DACH1: variants seen among roughly 807,000 people sequenced by gnomAD.
DACH1 encodes the protein dachshund homolog 1.
In DACH1, 12 loss-of-function variants were observed where a neutral mutation model predicts 54.2. The ratio of observed to expected loss-of-function variants is 0.22; its 90% CI spans 0.14 to 0.36. The LOEUF (loss-of-function observed/expected upper bound fraction) is 0.36. DACH1 is among the 10% of genes least tolerant of loss of function. The pLI, the probability that DACH1 is intolerant of heterozygous loss-of-function variation, is 1.00. For missense variants in DACH1, 805 were observed against 929.8 expected (o/e 0.87, Z 1.75); for synonymous variants, 386 against 366.2 (o/e 1.05, Z -0.62).
chr13:71,606,918 T>C lies in DACH1; in HGVS notation c.1126+23638A>G, dbSNP rs9529907. 6.8e-3 allele frequency among the ~76,000 whole-genome samples: 1,036 copies of C among 152,144 alleles called. 3 individuals are homozygous for C. The highest frequency in any genetic ancestry group is 0.011 in the Non-Finnish European group (751 of 67,912). ...ACATTTTCATCCAGAAGCCTACCTT[T>C]AGTTTGAGCATTTTGAAGTAGTGAG... On this transcript the variant is annotated intron_variant, in intron 3 of 10. Coordinates refer to ENST00000613252, the MANE Select transcript of DACH1 (RefSeq NM_080759.6).
At chr13:71,504,359 T>A (rs1264882018) in intron 6 of DACH1, among the ~76,000 whole-genome samples, 1 of 152,194 alleles carries the variant, frequency 6.6e-6, no homozygotes, top group African/African-American at 2.4e-5. Flanking sequence ...TTAAAGTATT[T>A]CCTGTTATCT....
intron 10 of DACH1, among the ~76,000 whole-genome samples, chr13:71,473,674 C>T (rs762732714): frequency 9.2e-5 from 14 of 152,006 alleles, no homozygotes; most frequent in Admixed American, 2.0e-4. Flanking sequence ...ATATGCAGGA[C>T]GATATTGTTT....
intron 1 of DACH1, among the ~76,000 whole-genome samples, chr13:71,804,688 A>G (rs1887423457): frequency 6.6e-6 from 1 of 152,104 alleles, no homozygotes; most frequent in Non-Finnish European, 1.5e-5. Flanking sequence ...CATTAGCTCC[A>G]CCTGTTAAGG....
intron 6 of DACH1, among the ~76,000 whole-genome samples, chr13:71,491,545 A>G (rs921703505): frequency 1.3e-5 from 2 of 152,168 alleles, no homozygotes; most frequent in Non-Finnish European, 2.9e-5. Context: ...TAGCGAAGAG[A>G]CTACGTAAGG....
chr13:71,856,313 T>C (rs1225170534), intron 1 of DACH1, among the ~76,000 whole-genome samples: 6 of 151,948 alleles, frequency 3.9e-5, no homozygotes, highest in African/African-American at 1.4e-4. Context: ...GGAAGCACTG[T>C]TCCTGGCTAC....
At chr13:71,832,761 C>A (rs990144609) in intron 1 of DACH1, among the ~76,000 whole-genome samples, 1 of 151,870 alleles carries the variant, frequency 6.6e-6, no homozygotes, top group Middle Eastern at 3.2e-3. Context: ...GATATCCAGC[C>A]ACCTAGGTTC....
At chr13:71,582,687 A>T (rs1440386940) in intron 3 of DACH1, among the ~76,000 whole-genome samples, 1 of 152,168 alleles carries the variant, frequency 6.6e-6, no homozygotes, top group Admixed American at 6.5e-5. Context: ...TTACATGCAG[A>T]TGGCAGACTT....
intron 10 of DACH1, among the ~76,000 whole-genome samples, chr13:71,460,061 C>G (rs892299086): frequency 6.6e-6 from 1 of 151,948 alleles, no homozygotes; most frequent in Non-Finnish European, 1.5e-5. Flanking sequence ...CTAATTTTCT[C>G]ACAAAGAAAA....
Position 71,439,298 on chromosome 13 carries a change from A to T in DACH1, c.*1357T>A, listed in dbSNP as rs41283986. The T allele has an allele frequency of 0.012, 1,839 of 152,586 alleles. 15 individuals are homozygous for T. Among genetic ancestry groups the T allele is most frequent in the Non-Finnish European group, 0.018 (1,221 of 67,894 alleles). 9.5% of individuals were successfully genotyped at this position (152,586 alleles called of 1,614,324 possible). A position where few individuals can be genotyped will look rare whatever the true frequency, so the allele number is the denominator to read the frequency against. On this transcript the variant is annotated 3_prime_UTR_variant, in exon 11 of 11. Transcript: ENST00000613252. ...CAAAGAGAAGGTAACTTTAGCATGT[A>T]ATAAGCACTGTTTGCCGCTTTACTT... is the stretch of plus-strand genomic sequence containing the variant.
In DACH1 at chr13:71,461,473, C is replaced by T. The variant is rs575194356; in HGVS notation, c.2083+13668G>A. ...TATTATCAGAGAACATAAATAAGCC[C>T]GCATCATACTCAGGCTTCTACATTG... On this transcript the variant is annotated intron_variant, in intron 10 of 10. Transcript: ENST00000613252. Among the ~76,000 whole-genome samples the T allele has an allele frequency of 9.9e-4, 151 of 151,934 alleles. 1 individual carries two copies. Among genetic ancestry groups the T allele is most frequent in the African/African-American group, 3.2e-3 (133 of 41,488 alleles).
intron 1 of DACH1, among the ~76,000 whole-genome samples, chr13:71,772,875 T>C (rs1294348595): frequency 6.6e-6 from 1 of 151,824 alleles, no homozygotes; most frequent in Admixed American, 6.6e-5. Context: ...ATACATGTTA[T>C]TCTTACTCTC....
intron 6 of DACH1, among the ~76,000 whole-genome samples, chr13:71,553,501 A>G (rs895916132): frequency 6.8e-6 from 1 of 146,418 alleles, no homozygotes; most frequent in Non-Finnish European, 1.5e-5. Flanking sequence ...ATATATATAC[A>G]TATATATGGA....
intron 1 of DACH1, among the ~76,000 whole-genome samples, chr13:71,801,260 C>T (rs1457498296): frequency 6.6e-6 from 1 of 152,100 alleles, no homozygotes; most frequent in Non-Finnish European, 1.5e-5. Context: ...ATGGTATATT[C>T]AAGCTCTCAG....
chr13:71,609,367 A>G (rs1364288308), intron 3 of DACH1, among the ~76,000 whole-genome samples: 3 of 152,176 alleles, frequency 2.0e-5, no homozygotes, highest in Non-Finnish European at 1.5e-5. Context: ...TGATATGTGG[A>G]TAAGAATATT....
chr13:71,548,714 C>G (rs929380545), intron 6 of DACH1, among the ~76,000 whole-genome samples: 1 of 151,968 alleles, frequency 6.6e-6, no homozygotes, highest in Non-Finnish European at 1.5e-5. Flanking sequence ...CCCAGGAGTT[C>G]GAGACCAGCC....
At chr13:71,461,706 T>C (rs953375312) in intron 10 of DACH1, among the ~76,000 whole-genome samples, 4 of 151,880 alleles carry the variant, frequency 2.6e-5, no homozygotes, top group Admixed American at 1.3e-4. Flanking sequence ...CCTTTAACTA[T>C]GAATAAGGCC....
At chr13:71,706,258 A>G (rs1406656853) in intron 1 of DACH1, among the ~76,000 whole-genome samples, 1 of 151,462 alleles carries the variant, frequency 6.6e-6, no homozygotes, top group Non-Finnish European at 1.5e-5. Flanking sequence ...TATTAATTAT[A>G]TTATTAATCT....
Position 71,866,867 on chromosome 13 carries a change from AG to A in DACH1, c.-99del. The stretch of plus-strand genomic sequence containing the variant: ...GGGAAAAAAGGGGGGAGAAGGAGCG[AG>A]GGGGGCAACAACAACTCCGGGAGAG... On this transcript the variant is annotated 5_prime_UTR_variant, in exon 1 of 11. Transcript: ENST00000613252. 2.4e-6 allele frequency: 2 copies of A among 839,944 alleles called. No individual in the cohort carries two copies. The highest frequency in any genetic ancestry group is 1.5e-6 in the Non-Finnish European group (1 of 660,156). 52.0% of individuals were successfully genotyped at this position (839,944 alleles called of 1,614,324 possible). A position where few individuals can be genotyped will look rare whatever the true frequency, so the allele number is the denominator to read the frequency against.
chr13:71,863,633 T>C (rs1352053035), intron 1 of DACH1, among the ~76,000 whole-genome samples: 1 of 151,992 alleles, frequency 6.6e-6, no homozygotes, highest in Non-Finnish European at 1.5e-5. Context: ...ACTTGAAAAA[T>C]ATTTAGTTAA....
Sources: allele counts gnomAD v4.1 joint callset (sites outside exome capture counted in the v4.1 genomes callset), GRCh38; gene constraint gnomAD v4.1.1; transcripts MANE v1.5; gene names NCBI Gene and HGNC (gene_info 2026-07-23, HGNC 2026-07-21).